Variants in RNF2 observed in about 807,000 individuals in gnomAD.
The protein encoded by RNF2 is E3 ubiquitin-protein ligase RING2.
RNF2 carries 6 observed loss-of-function variants against 37.2 expected under a neutral mutation model. That is an observed-to-expected ratio of 0.16 (90% CI 0.09 to 0.32). The LOEUF (loss-of-function observed/expected upper bound fraction) is 0.32. RNF2 is among the 10% of genes least tolerant of loss of function. RNF2 has a pLI of 1.00. For missense variants in RNF2, 251 were observed against 404.0 expected, an observed-to-expected ratio of 0.62 and a Z score of 3.25; for synonymous variants, 133 against 132.7, an observed-to-expected ratio of 1.00 and a Z score of -0.02.
At chr1:185,075,035 G>A (rs925948577) in intron 1 of RNF2, among the ~76,000 whole-genome samples, 2 of 151,878 alleles carry the variant, frequency 1.3e-5, no homozygotes, top group Admixed American at 6.6e-5. Flanking sequence ...TTGCTCTGTC[G>A]CCCAGGCTGG....
chr1:185,091,793 T>G (rs560524835), intron 3 of RNF2, 54 bp downstream of exon 3: 70 of 1,481,844 alleles, frequency 4.7e-5, no homozygotes, highest in Non-Finnish European at 5.8e-5. Context: ...CGAAAGTGCT[T>G]TCCAGGGTTT....
At chr1:185,090,851 G>T (rs1203891406) in intron 2 of RNF2, among the ~76,000 whole-genome samples, 1 of 152,182 alleles carries the variant, frequency 6.6e-6, no homozygotes, top group Non-Finnish European at 1.5e-5. Context: ...GATATGTCCT[G>T]AAATTTTACA....
rs917079815 is a variant in RNF2, at chr1:185,079,096, G to A, written c.-2-8456G>A. 8.4e-5 allele frequency among the ~76,000 whole-genome samples: 10 copies of A among 118,948 alleles called. 1 individual carries two copies. The highest frequency in any genetic ancestry group is 2.5e-4 in the South Asian group (1 of 4,058). The allele number at this position is 118,948 out of a possible 152,430, so 78.0% of individuals were successfully genotyped here. ...GATCTTTTCTTTTTTTTTTTTTTTC[G>A]GATTTATTTTGTTTCTGCCTATGCA... On this transcript the variant is annotated intron_variant, in intron 1 of 6. Transcript: ENST00000367510.
chr1:185,069,867 A>G (rs1450180577), intron 1 of RNF2, among the ~76,000 whole-genome samples: 1 of 152,240 alleles, frequency 6.6e-6, no homozygotes, highest in Non-Finnish European at 1.5e-5. Flanking sequence ...TTGACAACTA[A>G]TAAAGAAATC....
At chr1:185,083,380 G>A (rs1029388806) in intron 1 of RNF2, among the ~76,000 whole-genome samples, 21 of 151,922 alleles carry the variant, frequency 1.4e-4, no homozygotes, top group African/African-American at 4.6e-4. Flanking sequence ...TATAAGTCCC[G>A]TATTTTGTTT....
chr1:185,085,147 T>TTC (rs1651546259), intron 1 of RNF2, among the ~76,000 whole-genome samples: 1 of 107,342 alleles, frequency 9.3e-6, no homozygotes, highest in South Asian at 3.0e-4. Context: ...TTCTTTTTCT[T>TTC]TTTTTTTTTT....
intron 1 of RNF2, among the ~76,000 whole-genome samples, chr1:185,071,289 GTGAGCT>G (rs1306875896): frequency 6.6e-6 from 1 of 152,118 alleles, no homozygotes; most frequent in Non-Finnish European, 1.5e-5. Context: ...CATTGTTAAG[GTGAGCT>G]TCAACAGAAC....
At chr1:185,049,369 C>T (rs1650209506) in intron 1 of RNF2, among the ~76,000 whole-genome samples, 1 of 152,156 alleles carries the variant, frequency 6.6e-6, no homozygotes, top group African/African-American at 2.4e-5. Flanking sequence ...ATAACTTGCA[C>T]TTTTAAAATT....
At chr1:185,084,418 A>G (rs1224456925) in intron 1 of RNF2, among the ~76,000 whole-genome samples, 1 of 152,168 alleles carries the variant, frequency 6.6e-6, no homozygotes. Flanking sequence ...AACAAAAGGA[A>G]TATGTGCTGA....
At chr1:185,082,970 CAATT>C (rs941510120) in intron 1 of RNF2, among the ~76,000 whole-genome samples, 1 of 152,152 alleles carries the variant, frequency 6.6e-6, no homozygotes, top group African/African-American at 2.4e-5. Flanking sequence ...GCAAAAACCA[CAATT>C]AATTTGCACT....
At chr1:185,067,400 A>G (rs889315389) in intron 1 of RNF2, among the ~76,000 whole-genome samples, 1 of 152,240 alleles carries the variant, frequency 6.6e-6, no homozygotes, top group Non-Finnish European at 1.5e-5. Flanking sequence ...TTTCTAAAAT[A>G]TAACACCTGT....
At chr1:185,084,666 A>G (rs1388903732) in intron 1 of RNF2, among the ~76,000 whole-genome samples, 1 of 152,102 alleles carries the variant, frequency 6.6e-6, no homozygotes, top group African/African-American at 2.4e-5. Context: ...GATGTGCCCC[A>G]CATTCTTCAT....
At chr1:185,094,245 C>T (rs1651850545) in intron 4 of RNF2, among the ~76,000 whole-genome samples, 1 of 151,928 alleles carries the variant, frequency 6.6e-6, no homozygotes, top group South Asian at 2.1e-4. Flanking sequence ...GGGTTTCCAG[C>T]GATTCTCCTG....
chr1:185,082,423 T>G (rs1651454203), intron 1 of RNF2, among the ~76,000 whole-genome samples: 1 of 148,328 alleles, frequency 6.7e-6, no homozygotes, highest in Admixed American at 6.9e-5. Flanking sequence ...CGATCTTGGC[T>G]CACTGCAACC....
At chr1:185,089,766 A>G (rs1651712775) in intron 2 of RNF2, among the ~76,000 whole-genome samples, 1 of 152,086 alleles carries the variant, frequency 6.6e-6, no homozygotes, top group African/African-American at 2.4e-5. Context: ...GTGGTGGCTC[A>G]GACATGTAAT....
chr1:185,092,436 A>G (rs866258224), intron 3 of RNF2, among the ~76,000 whole-genome samples: 18 of 152,158 alleles, frequency 1.2e-4, no homozygotes, highest in African/African-American at 4.1e-4. Flanking sequence ...CGGCCTCCCA[A>G]AGTACTGAGA....
At chr1:185,085,350 G>A (rs1363744670) in intron 1 of RNF2, among the ~76,000 whole-genome samples, 1 of 151,558 alleles carries the variant, frequency 6.6e-6, no homozygotes, top group East Asian at 2.0e-4. Context: ...GGGTTTCACC[G>A]TGGTCTCGAT....
At chr1:185,083,662 C>T (rs1050257822) in intron 1 of RNF2, among the ~76,000 whole-genome samples, 1 of 151,892 alleles carries the variant, frequency 6.6e-6, no homozygotes, top group African/African-American at 2.4e-5. Context: ...TTTGGAGACT[C>T]GAGCTCAGTC....
chr1:185,099,997 G>A, intron 6 of RNF2, 35 bp downstream of exon 6: 2 of 1,579,394 alleles, frequency 1.3e-6, no homozygotes, highest in Non-Finnish European at 1.7e-6. Flanking sequence ...TTGAAACTGG[G>A]AGCACACTGA....
Sources: allele counts gnomAD v4.1 joint callset (sites outside exome capture counted in the v4.1 genomes callset), GRCh38; gene constraint gnomAD v4.1.1; transcripts MANE v1.5; gene names NCBI Gene and HGNC (gene_info 2026-07-23, HGNC 2026-07-21).